The following LRRC9 variants were observed in gnomAD, a reference collection of about 807,000 sequenced individuals.
LRRC9 encodes the protein leucine rich repeat containing 9, also known as leucine-rich repeat-containing protein 9.
A neutral mutation model predicts 63.2 loss-of-function variants in LRRC9; 122 were observed. The observed-to-expected ratio is 1.93, with a 90% CI of 1.67 to 2.24. The LOEUF (loss-of-function observed/expected upper bound fraction) is 2.24, where lower values mean the gene tolerates loss of function less well. Among genes scored for constraint, LRRC9 ranks in the 30% most tolerant of loss-of-function variants. The pLI is 0.00. For missense variants in LRRC9, 1,071 were observed against 627.7 expected, an observed-to-expected ratio of 1.71 and a Z score of -7.55; for synonymous variants, 366 against 213.1, an observed-to-expected ratio of 1.72 and a Z score of -6.25.
intron 29 of LRRC9, among the ~76,000 whole-genome samples, chr14:60,049,788 T>G (rs762698422): frequency 3.9e-5 from 6 of 152,140 alleles, no homozygotes; most frequent in Non-Finnish European, 8.8e-5. Flanking sequence ...TTTCCTAAAT[T>G]TGAATGTTAG....
chr14:60,020,923 G>A (rs1287435085), intron 26 of LRRC9, among the ~76,000 whole-genome samples: 1 of 151,756 alleles, frequency 6.6e-6, no homozygotes, highest in Non-Finnish European at 1.5e-5. Context: ...TTTTTTGGCT[G>A]GTTTGACTAA....
At chr14:59,951,695 T>G (rs1474215219) in intron 8 of LRRC9, among the ~76,000 whole-genome samples, 12 of 149,732 alleles carry the variant, frequency 8.0e-5, no homozygotes, top group Non-Finnish European at 1.2e-4. Context: ...GTCCTTTCTG[T>G]TTGTTAGTTT....
At chr14:59,982,644 T>C (rs1204801584) in intron 16 of LRRC9, among the ~76,000 whole-genome samples, 1 of 152,154 alleles carries the variant, frequency 6.6e-6, no homozygotes, top group African/African-American at 2.4e-5. Context: ...TTCCAACACA[T>C]GAACTTTTGG....
rs1335873214 is a variant in LRRC9, at chr14:59,999,146, A to T, written c.2449A>T (p.Thr817Ser). Residue 817 changes from threonine to serine, a missense_variant, in exon 19 of 32, where the codon ACC becomes TCC. Coordinates refer to ENST00000445360, the Ensembl canonical transcript of LRRC9. Reference sequence around the variant, plus strand: ...TGTTATTGGCAGATTAAAGACTCTTACCCATTTAAATGGAGTCTTCATTTC... The same window carrying T: ...TGTTATTGGCAGATTAAAGACTCTTTCCCATTTAAATGGAGTCTTCATTTC... The T allele has an allele frequency of 5.7e-6, 4 of 701,062 alleles. No individual in the cohort carries two copies. The Admixed American group carries it at 8.0e-5, about 14-fold the overall frequency. 43.4% of individuals were successfully genotyped at this position (701,062 alleles called of 1,614,324 possible).
chr14:59,983,552 T>A (rs1325047221), intron 16 of LRRC9, among the ~76,000 whole-genome samples: 2 of 152,042 alleles, frequency 1.3e-5, no homozygotes, highest in African/African-American at 4.8e-5. Flanking sequence ...CATGAGAAAT[T>A]TAGTTGTTTA....
At chr14:59,970,829 C>T (rs1885406868) in intron 12 of LRRC9, among the ~76,000 whole-genome samples, 1 of 151,710 alleles carries the variant, frequency 6.6e-6, no homozygotes, top group Non-Finnish European at 1.5e-5. Flanking sequence ...GATATTAGAC[C>T]TTTGTTGGAT....
In LRRC9 at chr14:60,006,378, A is replaced by C. The variant is rs775347520; in HGVS notation, c.2843-19A>C. On this transcript the variant is annotated intron_variant, in intron 21 of 31. Transcript: ENST00000445360. ...TTAGTGTTATCTGAATCTTTTCTTGAATTTGCTTATTTTTCTAGGTATTTC... is the reference window on the plus strand; with the variant it reads ...TTAGTGTTATCTGAATCTTTTCTTGCATTTGCTTATTTTTCTAGGTATTTC... The C allele has an allele frequency of 1.5e-6, 1 of 673,664 alleles. No individual in the cohort carries two copies. The highest frequency in any genetic ancestry group is 1.6e-5 in the South Asian group (1 of 62,038). The allele number at this position is 673,664 out of a possible 1,614,324, so 41.7% of individuals were successfully genotyped here.
chr14:60,039,657 CTTCT>C (rs752235004), intron 29 of LRRC9, among the ~76,000 whole-genome samples: 4 of 151,928 alleles, frequency 2.6e-5, no homozygotes, highest in Non-Finnish European at 4.4e-5. Context: ...TCTCTCTTTT[CTTCT>C]TTATTAGTCT....
At chr14:60,059,464 T>A (rs1311222981) in intron 31 of LRRC9, among the ~76,000 whole-genome samples, 1 of 152,204 alleles carries the variant, frequency 6.6e-6, no homozygotes, top group Non-Finnish European at 1.5e-5. Flanking sequence ...AAAGCCAAGA[T>A]AGGCTAAAGG....
At position 59,990,997 on chromosome 14, in the gene LRRC9, T is replaced by A. The variant is rs148788683; in HGVS notation, c.2211+5773T>A. On this transcript the variant is annotated intron_variant, in intron 17 of 31. Transcript: ENST00000445360. This position sits in a 1 kb window ranked among gnomAD's most constrained non-coding sequence, Gnocchi z 4.2. ...GTAGTTTTGTTGTAAACATTGTCCA[T>A]GAAAATTTGGTTTTATCTATTTGCT... 1.2e-3 allele frequency among the ~76,000 whole-genome samples: 181 copies of A among 152,358 alleles called. No homozygotes were observed. Among genetic ancestry groups the A allele is most frequent in the African/African-American group, 4.2e-3 (174 of 41,578 alleles).
At chr14:59,997,532 C>A (rs930986944) in intron 17 of LRRC9, 124 bp from the exon 18 acceptor site, 8 of 514,210 alleles carry the variant, frequency 1.6e-5, no homozygotes, top group Non-Finnish European at 2.4e-5. Flanking sequence ...AACATAACTA[C>A]TGTTTATGTG....
Position 59,945,907 on chromosome 14 carries a change from G to A in LRRC9, c.882+1163G>A, listed in dbSNP as rs79038713. On this transcript the variant is annotated intron_variant, in intron 8 of 31. Transcript: ENST00000445360. ...CAAGAAACTGTTTCACCTATAAACT[G>A]TCAAAGTATGACACATGACAGTACT... is the stretch of plus-strand genomic sequence containing the variant. 4.0e-3 allele frequency among the ~76,000 whole-genome samples: 603 copies of A among 151,744 alleles called. 21 individuals carry two copies. The East Asian group carries it at 0.058, about 15-fold the overall frequency.
chr14:59,977,387 G>A, intron 14 of LRRC9, 40 bp downstream of exon 14: 1 of 627,106 alleles, frequency 1.6e-6, no homozygotes, highest in Non-Finnish European at 2.8e-6. Flanking sequence ...TTATCTCTCT[G>A]AATGAAAAAT....
At chr14:60,059,794 A>G (rs1409003578) in intron 31 of LRRC9, among the ~76,000 whole-genome samples, 1 of 152,242 alleles carries the variant, frequency 6.6e-6, no homozygotes, top group African/African-American at 2.4e-5. Flanking sequence ...ATCAGGCAAC[A>G]TAAAAGTGTA....
chr14:59,952,527 C>T (rs1398275889), intron 8 of LRRC9, among the ~76,000 whole-genome samples: 1 of 152,140 alleles, frequency 6.6e-6, no homozygotes, highest in Non-Finnish European at 1.5e-5. Flanking sequence ...CTCCTCCAAT[C>T]TATTTTCTAA....
intron 23 of LRRC9, among the ~76,000 whole-genome samples, chr14:60,012,983 A>C (rs1389859609): frequency 6.7e-6 from 1 of 150,070 alleles, no homozygotes; most frequent in Non-Finnish European, 1.5e-5. Flanking sequence ...TTATACTTTA[A>C]GTTTTAGGGT....
At chr14:60,016,686 A>T (rs1472765976) in exon 24 of LRRC9, 2 of 700,394 alleles carry the variant, frequency 2.9e-6, no homozygotes, top group Non-Finnish European at 5.2e-6. Flanking sequence ...ACAGTGCAAA[A>T]GATTTGTTTG....
intron 19 of LRRC9, among the ~76,000 whole-genome samples, chr14:59,999,775 A>G (rs1889168310): frequency 6.6e-6 from 1 of 152,072 alleles, no homozygotes. Context: ...CTGAATATTA[A>G]TTCCTTAGGC....
intron 23 of LRRC9, among the ~76,000 whole-genome samples, chr14:60,015,421 G>A (rs573887461): frequency 6.6e-6 from 1 of 152,218 alleles, no homozygotes; most frequent in East Asian, 1.9e-4. Flanking sequence ...AGCCTCCCTT[G>A]GCACTATACC....
Sources: gnomAD v4.1 joint callset for allele counts (sites outside exome capture counted in the v4.1 genomes callset) on GRCh38, gnomAD v4.1.1 for gene constraint, Gnocchi (gnomAD v3.1) non-coding constraint, MANE v1.5 for transcripts, NCBI Gene and HGNC (gene_info 2026-07-23, HGNC 2026-07-21) for gene names.